LARS2: variants seen among roughly 807,000 people sequenced by gnomAD.
LARS2 encodes the protein leucine--tRNA ligase, mitochondrial.
In LARS2, 81 loss-of-function variants were observed where a neutral mutation model predicts 116.6. The observed-to-expected ratio is 0.69, with a 90% CI of 0.58 to 0.84. LARS2 has a LOEUF of 0.84. Among genes scored for constraint, LARS2 ranks in the 40% least tolerant of loss-of-function variants. The probability of loss-of-function intolerance (pLI) is 0.00; values close to 1 mark genes in which losing one functional copy is unlikely to be tolerated. For missense variants in LARS2, 968 were observed against 1,114.5 expected (o/e 0.87, Z 1.87); for synonymous variants, 396 against 407.2 (o/e 0.97, Z 0.33).
intron 19 of LARS2, 65 bp from the exon 20 acceptor site, chr3:45,523,932 T>C: frequency 8.6e-7 from 1 of 1,164,388 alleles, no homozygotes; most frequent in East Asian, 2.3e-5. Context: ...GATACATTAA[T>C]GGTCTTTCTT....
chr3:45,476,773 A>C, intron 10 of LARS2, 146 bp downstream of exon 10: 2 of 757,496 alleles, frequency 2.6e-6, no homozygotes, highest in South Asian at 2.0e-5. Context: ...TTTATTTTGA[A>C]ACATGAGGAT....
intron 6 of LARS2, chr3:45,421,289 A>C (rs1474039360): frequency 6.6e-6 from 1 of 152,236 alleles, no homozygotes; most frequent in East Asian, 1.9e-4. Context: ...ACTAAAAATG[A>C]GTATTCATAT....
chr3:45,486,016 T>TAGG (rs1559484264), intron 11 of LARS2, among the ~76,000 whole-genome samples: 1 of 151,938 alleles, frequency 6.6e-6, no homozygotes, highest in Non-Finnish European at 1.5e-5. Context: ...CTACTGAGAA[T>TAGG]AAGAAGTATC....
intron 13 of LARS2, 101 bp from the exon 14 acceptor site, chr3:45,496,174 A>G: frequency 1.1e-6 from 1 of 934,038 alleles, no homozygotes; most frequent in Non-Finnish European, 1.7e-6. Flanking sequence ...CTTTATTCTT[A>G]TGACATTTTA....
intron 20 of LARS2, among the ~76,000 whole-genome samples, chr3:45,537,035 T>A (rs1242995676): frequency 6.6e-6 from 1 of 151,778 alleles, no homozygotes; most frequent in African/African-American, 2.4e-5. Flanking sequence ...TGTGTGTGTG[T>A]GTGTGTGTGT....
intron 7 of LARS2, among the ~76,000 whole-genome samples, chr3:45,456,238 A>G (rs1377285093): frequency 6.6e-6 from 1 of 152,122 alleles, no homozygotes; most frequent in African/African-American, 2.4e-5. Context: ...AAAATATCAC[A>G]CTGTATTCTA....
rs923149618 is a variant in LARS2 at position 45,548,834 on chromosome 3, A to G, written c.*1304A>G. ...TAGTGTAATAAAATGTTTATCATCT[A>G]TGACTTCAGGACATATGTGTGATCC... is the stretch of plus-strand genomic sequence containing the variant. On this transcript the variant is annotated 3_prime_UTR_variant, in exon 22 of 22. Transcript: ENST00000645846. 2.0e-5 allele frequency: 3 copies of G among 152,232 alleles called. No homozygotes were observed. Among genetic ancestry groups the G allele is most frequent in the African/African-American group, 7.2e-5 (3 of 41,458 alleles). 9.4% of individuals were successfully genotyped at this position (152,232 alleles called of 1,614,324 possible). A position where few individuals can be genotyped will look rare whatever the true frequency, so the allele number is the denominator to read the frequency against.
At position 45,541,823 on chromosome 3, in the gene LARS2, T is replaced by C. The variant is rs1312355815; in HGVS notation, c.2405-6T>C. On this transcript the variant is annotated splice_polypyrimidine_tract_variant and splice_region_variant and intron_variant, in intron 20 of 21. Transcript: ENST00000645846. Reference sequence around the variant, plus strand: ...GACCCCACGCTTCTGTGCCTCGGCATTGCAGGCCTGGCGCTGGTGCCGAGG... The same window carrying C: ...GACCCCACGCTTCTGTGCCTCGGCACTGCAGGCCTGGCGCTGGTGCCGAGG... 2 of 1,614,080 alleles carry C rather than the reference T, an allele frequency of 1.2e-6. No homozygotes were observed. Among genetic ancestry groups the C allele is most frequent in the South Asian group, 1.1e-5 (1 of 91,066 alleles).
chr3:45,532,747 T>C (rs964879658), intron 20 of LARS2, among the ~76,000 whole-genome samples: 6 of 152,080 alleles, frequency 3.9e-5, no homozygotes, highest in African/African-American at 1.2e-4. Context: ...GTTCAAGCAG[T>C]TCTTGTGCCT....
intron 13 of LARS2, 60 bp from the exon 14 acceptor site, chr3:45,496,215 A>T: frequency 7.7e-7 from 1 of 1,296,852 alleles, no homozygotes; most frequent in South Asian, 1.2e-5. Context: ...TCAAAAGCTG[A>T]TGGAAAACTG....
chr3:45,453,289 C>T (rs1699164145), intron 7 of LARS2, among the ~76,000 whole-genome samples: 1 of 152,084 alleles, frequency 6.6e-6, no homozygotes, highest in Non-Finnish European at 1.5e-5. Flanking sequence ...CTGTTGATCT[C>T]TCTTCAAAGT....
At chr3:45,411,526 T>TA (rs1198947317) in intron 4 of LARS2, among the ~76,000 whole-genome samples, 2 of 152,252 alleles carry the variant, frequency 1.3e-5, no homozygotes, top group African/African-American at 4.8e-5. Context: ...TTTGTGTCTA[T>TA]ATCCTATAAC....
At chr3:45,497,913 A>AT (rs1700044572) in intron 14 of LARS2, among the ~76,000 whole-genome samples, 1 of 152,046 alleles carries the variant, frequency 6.6e-6, no homozygotes, top group Admixed American at 6.5e-5. Context: ...TCTCAAAAAA[A>AT]AAAAAAGAAA....
intron 15 of LARS2, among the ~76,000 whole-genome samples, chr3:45,510,286 C>T (rs9843821): frequency 0.011 from 1,686 of 151,418 alleles, 29 homozygotes; most frequent in African/African-American, 0.038. Flanking sequence ...TGGTAGTGCG[C>T]GCCTGTGGTC....
chr3:45,520,321 G>T (rs369439319), intron 19 of LARS2, 25 bp downstream of exon 19: 1 of 1,578,182 alleles, frequency 6.3e-7, no homozygotes, highest in African/African-American at 1.3e-5. Flanking sequence ...CTCATTTGCT[G>T]GTAGCAGAGG....
intron 8 of LARS2, among the ~76,000 whole-genome samples, chr3:45,461,490 G>C (rs931818392): frequency 2.0e-5 from 3 of 152,068 alleles, no homozygotes; most frequent in African/African-American, 7.2e-5. Context: ...TTAGGGGCTA[G>C]ATCAGGCAAG....
At chr3:45,419,316 C>CT (rs1698479537) in intron 5 of LARS2, among the ~76,000 whole-genome samples, 1 of 152,156 alleles carries the variant, frequency 6.6e-6, no homozygotes, top group Non-Finnish European at 1.5e-5. Context: ...AAATGCTTGG[C>CT]TTAAATAATA....
intron 8 of LARS2, among the ~76,000 whole-genome samples, chr3:45,469,288 G>A (rs1315420608): frequency 6.6e-6 from 1 of 152,140 alleles, no homozygotes; most frequent in Non-Finnish European, 1.5e-5. Context: ...CTATATTTAT[G>A]TATTTGTCAT....
At chr3:45,531,720 G>T (rs776953629) in intron 20 of LARS2, among the ~76,000 whole-genome samples, 1 of 152,124 alleles carries the variant, frequency 6.6e-6, no homozygotes, top group Admixed American at 6.6e-5. Flanking sequence ...GAGAAAAATT[G>T]CATATATTTA....
Sources: allele counts gnomAD v4.1 joint callset (sites outside exome capture counted in the v4.1 genomes callset), GRCh38; gene constraint gnomAD v4.1.1; transcripts MANE v1.5; gene names NCBI Gene and HGNC (gene_info 2026-07-23, HGNC 2026-07-21).